Variants in ATP6V1C1 observed in about 807,000 individuals in gnomAD.
ATP6V1C1 encodes the protein V-type proton ATPase subunit C 1.
A neutral mutation model predicts 53.9 loss-of-function variants in ATP6V1C1; 45 were observed. The observed-to-expected ratio is 0.83, with a 90% CI of 0.66 to 1.07. The LOEUF (loss-of-function observed/expected upper bound fraction) is 1.07. Among genes scored for constraint, ATP6V1C1 ranks in the 50% least tolerant of loss-of-function variants. The pLI, the probability that ATP6V1C1 is intolerant of heterozygous loss-of-function variation, is 0.00. For missense variants in ATP6V1C1, 315 were observed against 440.3 expected (o/e 0.72, Z 2.55); for synonymous variants, 153 against 155.2 (o/e 0.99, Z 0.11).
At chr8:103,038,132 T>C (rs368534865) in intron 1 of ATP6V1C1, among the ~76,000 whole-genome samples, 1 of 152,172 alleles carries the variant, frequency 6.6e-6, no homozygotes, top group Non-Finnish European at 1.5e-5. Flanking sequence ...GTCCCTCTGC[T>C]TGTTTTGCCT....
chr8:103,059,537 A>ACCTGAAAT (rs1817356133), intron 8 of ATP6V1C1, among the ~76,000 whole-genome samples: 1 of 25,578 alleles, frequency 3.9e-5, no homozygotes, highest in East Asian at 1.0e-3. Context: ...CCGGCCCCCC[A>ACCTGAAAT]CCTGAAATAG....
chr8:103,033,762 T>G (rs1219007572), intron 1 of ATP6V1C1, among the ~76,000 whole-genome samples: 1 of 152,230 alleles, frequency 6.6e-6, no homozygotes, highest in African/African-American at 2.4e-5. Flanking sequence ...TTGTAACTAC[T>G]ACCCCTCTAA....
intron 12 of ATP6V1C1, 47 bp downstream of exon 12, chr8:103,066,494 G>GA (rs758499743): frequency 2.0e-5 from 29 of 1,479,600 alleles, no homozygotes; most frequent in Middle Eastern, 1.8e-4. Flanking sequence ...GTGAATTTCA[G>GA]AAAAAAAATG....
chr8:103,051,554 C>T (rs886849607), intron 5 of ATP6V1C1, among the ~76,000 whole-genome samples: 2 of 152,078 alleles, frequency 1.3e-5, no homozygotes, highest in African/African-American at 2.4e-5. Context: ...TCTATGGATT[C>T]TCTGACCCCT....
intron 11 of ATP6V1C1, among the ~76,000 whole-genome samples, chr8:103,065,257 T>C (rs563220959): frequency 4.5e-4 from 69 of 152,306 alleles, no homozygotes; most frequent in African/African-American, 1.7e-3. Context: ...AGAAATAGTT[T>C]TAAAAAACCC....
chr8:103,026,064 C>T (rs1345742425), intron 1 of ATP6V1C1, among the ~76,000 whole-genome samples: 1 of 152,168 alleles, frequency 6.6e-6, no homozygotes, highest in East Asian at 1.9e-4. Flanking sequence ...GAATTATTTG[C>T]CCACTGGGTC....
intron 1 of ATP6V1C1, among the ~76,000 whole-genome samples, chr8:103,028,617 A>G (rs781645358): frequency 1.3e-5 from 2 of 152,270 alleles, no homozygotes; most frequent in Non-Finnish European, 2.9e-5. Context: ...GTATAGGAGC[A>G]GAAGAGGATC....
At chr8:103,037,360 AAAAG>A (rs1816917284) in intron 1 of ATP6V1C1, among the ~76,000 whole-genome samples, 1 of 152,088 alleles carries the variant, frequency 6.6e-6, no homozygotes, top group African/African-American at 2.4e-5. Context: ...TAATTAAAAA[AAAAG>A]AGAGACAGGG....
In ATP6V1C1 at chr8:103,055,949, C is replaced by T; in HGVS notation, c.641+13C>T. ...CAAGGTCTAGCAAGTAAGTAGAAGT[C>T]TTTGTAAAACCATTTGTTTCCTAGA... On this transcript the variant is annotated intron_variant, in intron 8 of 12. Coordinates refer to ENST00000518738, the MANE Select transcript of ATP6V1C1 (RefSeq NM_001695.5). 6.2e-7 allele frequency: 1 copy of T among 1,607,086 alleles called. No individual in the cohort carries two copies. The highest frequency in any genetic ancestry group is 1.1e-5 in the South Asian group (1 of 90,742).
At chr8:103,031,089 C>T (rs1182465071) in intron 1 of ATP6V1C1, among the ~76,000 whole-genome samples, 1 of 152,116 alleles carries the variant, frequency 6.6e-6, no homozygotes, top group Non-Finnish European at 1.5e-5. Flanking sequence ...CAGCAAAGTC[C>T]AGTGATACAC....
At chr8:103,052,931 A>G in intron 6 of ATP6V1C1, 109 bp downstream of exon 6, 1 of 626,424 alleles carries the variant, frequency 1.6e-6, no homozygotes, top group Non-Finnish European at 2.5e-6. Context: ...TTGTTCTGTA[A>G]TCAAAATGGT....
intron 8 of ATP6V1C1, among the ~76,000 whole-genome samples, chr8:103,057,196 A>G (rs182160673): frequency 6.6e-6 from 1 of 152,326 alleles, no homozygotes; most frequent in Non-Finnish European, 1.5e-5. Flanking sequence ...TTGGGTCCAA[A>G]TAACTCCTAC....
rs147421724 is a variant in ATP6V1C1, at chr8:103,058,118, T to A, written c.641+2182T>A. 4.8e-3 allele frequency among the ~76,000 whole-genome samples: 727 copies of A among 152,318 alleles called. 9 individuals carry two copies. The highest frequency in any genetic ancestry group is 0.031 in the Middle Eastern group (9 of 294). ...TTAAGTAAGCTCAGATTTACTCTGATAGAAAGACTTTAAAAATATTCCATC... is the reference window on the plus strand; with the variant it reads ...TTAAGTAAGCTCAGATTTACTCTGAAAGAAAGACTTTAAAAATATTCCATC... On this transcript the variant is annotated intron_variant, in intron 8 of 12. Coordinates refer to ENST00000518738, the MANE Select transcript of ATP6V1C1 (RefSeq NM_001695.5).
intron 4 of ATP6V1C1, among the ~76,000 whole-genome samples, chr8:103,050,026 C>T (rs1817173448): frequency 6.6e-6 from 1 of 152,096 alleles, no homozygotes; most frequent in Non-Finnish European, 1.5e-5. Flanking sequence ...ATCACCTACT[C>T]TAATAAGGTT....
chr8:103,066,630 T>C (rs866596538), intron 12 of ATP6V1C1, among the ~76,000 whole-genome samples, 183 bp downstream of exon 12: 1 of 152,362 alleles, frequency 6.6e-6, no homozygotes, highest in South Asian at 2.1e-4. Context: ...TTATACTAAT[T>C]ATATCTGTGT....
In ATP6V1C1 at chr8:103,021,154, C is replaced by G. The variant is rs981089949; in HGVS notation, c.-111C>G. On this transcript the variant is annotated 5_prime_UTR_variant, in exon 1 of 13. Coordinates refer to ENST00000518738, the MANE Select transcript of ATP6V1C1 (RefSeq NM_001695.5). Reference sequence around the variant, plus strand: ...GTCGGGAAGGGATGGATCGCTGAGCCGATAGCGTCCGCTAGGCTGTCTGCC... The same window carrying G: ...GTCGGGAAGGGATGGATCGCTGAGCGGATAGCGTCCGCTAGGCTGTCTGCC... The G allele has an allele frequency of 6.5e-6, 1 of 152,904 alleles. No homozygotes were observed. Among genetic ancestry groups the G allele is most frequent in the South Asian group, 2.1e-4 (1 of 4,840 alleles). The allele number at this position is 152,904 out of a possible 1,614,324, so 9.5% of individuals were successfully genotyped here. A position where few individuals can be genotyped will look rare whatever the true frequency, so the allele number is the denominator to read the frequency against.
chr8:103,041,509 A>G (rs1210619513), intron 2 of ATP6V1C1, among the ~76,000 whole-genome samples: 1 of 151,114 alleles, frequency 6.6e-6, no homozygotes, highest in African/African-American at 2.4e-5. Context: ...AAAGATCATG[A>G]TACTGACATT....
intron 1 of ATP6V1C1, among the ~76,000 whole-genome samples, chr8:103,030,650 A>G (rs1324781116): frequency 6.6e-6 from 1 of 152,148 alleles, no homozygotes; most frequent in African/African-American, 2.4e-5. Context: ...CGTGCAGAGC[A>G]TCTTGGTCTT....
intron 1 of ATP6V1C1, among the ~76,000 whole-genome samples, chr8:103,036,971 G>A (rs917195557): frequency 2.0e-5 from 3 of 152,078 alleles, no homozygotes; most frequent in Non-Finnish European, 2.9e-5. Flanking sequence ...CAGAAACCAC[G>A]ATCGCTTAGA....
Sources: allele counts gnomAD v4.1 joint callset (sites outside exome capture counted in the v4.1 genomes callset), GRCh38; gene constraint gnomAD v4.1.1; transcripts MANE v1.5; gene names NCBI Gene and HGNC (gene_info 2026-07-23, HGNC 2026-07-21).